The following MKLN1 variants were observed in gnomAD, a reference collection of about 807,000 sequenced individuals.
MKLN1 encodes muskelin.
In MKLN1, 18 loss-of-function variants were observed where a neutral mutation model predicts 99.0. That is an observed-to-expected ratio of 0.18 (90% CI 0.13 to 0.27). MKLN1 has a LOEUF of 0.27. MKLN1 is among the 10% of genes least tolerant of loss of function. The pLI is 1.00. For missense variants in MKLN1, 621 were observed against 875.9 expected, an observed-to-expected ratio of 0.71 and a Z score of 3.67; for synonymous variants, 288 against 293.2, an observed-to-expected ratio of 0.98 and a Z score of 0.18.
At chr7:131,417,654 T>C (rs1384951795) in intron 8 of MKLN1, among the ~76,000 whole-genome samples, 3 of 152,208 alleles carry the variant, frequency 2.0e-5, no homozygotes, top group Non-Finnish European at 2.9e-5. Flanking sequence ...TTCTGTTTTT[T>C]TGTTTTTATT....
intron 2 of MKLN1, among the ~76,000 whole-genome samples, chr7:131,173,971 T>TTC (rs1563240756): frequency 5.2e-5 from 7 of 133,806 alleles, no homozygotes; most frequent in Non-Finnish European, 8.1e-5. Context: ...CCTTTTTCTT[T>TTC]TTCTTTTTTT....
rs564758186 is a variant in MKLN1 at position 131,372,852 on chromosome 7, G to A, written c.99-2572G>A. Among the ~76,000 whole-genome samples the A allele has an allele frequency of 4.0e-5, 6 of 151,332 alleles. No homozygotes were observed. In the East Asian group the frequency reaches 5.8e-4, roughly 15 times the overall value. On this transcript the variant is annotated intron_variant, in intron 1 of 17. Coordinates refer to ENST00000352689, the MANE Select transcript of MKLN1 (RefSeq NM_013255.5). The stretch of plus-strand genomic sequence containing the variant: ...TTCAAATCCTTACTTAGCTGTATAC[G>A]TTTAGGCAATTAATCTTTTCTTTTT...
intron 2 of MKLN1, among the ~76,000 whole-genome samples, chr7:131,380,140 C>G (rs917588331): frequency 6.6e-6 from 1 of 152,098 alleles, no homozygotes; most frequent in Non-Finnish European, 1.5e-5. Context: ...GGAGTGAAGT[C>G]CAGTTTCATA....
intron 1 of MKLN1, among the ~76,000 whole-genome samples, chr7:131,328,777 C>G (rs908668506): frequency 6.6e-6 from 1 of 152,148 alleles, no homozygotes; most frequent in African/African-American, 2.4e-5. Flanking sequence ...TTGTCTTGAT[C>G]CCTGATTTAG....
At chr7:131,154,377 G>A (rs916686553) in intron 2 of MKLN1, among the ~76,000 whole-genome samples, 7 of 152,040 alleles carry the variant, frequency 4.6e-5, no homozygotes, top group East Asian at 3.9e-4. Flanking sequence ...CCACCGCCCC[G>A]GCCTAATTGT....
chr7:131,111,529 G>T (rs1214717683), intron 1 of MKLN1, among the ~76,000 whole-genome samples: 1 of 152,124 alleles, frequency 6.6e-6, no homozygotes, highest in East Asian at 1.9e-4. Context: ...CTCTTGGAAA[G>T]AAATCTTTGC....
At chr7:131,110,155 C>CG (rs1005600102) in exon 1 of MKLN1, 2 of 192,118 alleles carry the variant, frequency 1.0e-5, no homozygotes, top group Non-Finnish European at 2.2e-5. Context: ...CAGAGCCGCC[C>CG]GGGAGCAGGG....
At chr7:131,112,009 A>G (rs1420231917) in intron 1 of MKLN1, among the ~76,000 whole-genome samples, 1 of 152,206 alleles carries the variant, frequency 6.6e-6, no homozygotes, top group Non-Finnish European at 1.5e-5. Flanking sequence ...GGACAAGACA[A>G]CCTTGTTTTG....
chr7:131,466,304 GA>G lies in MKLN1; in HGVS notation c.1821del (p.Lys607AsnfsTer7). The G allele has an allele frequency of 6.2e-7, 1 of 1,602,566 alleles. No individual in the cohort carries two copies. Among genetic ancestry groups the G allele is most frequent in the Non-Finnish European group, 8.5e-7 (1 of 1,172,888 alleles). On this transcript the variant is annotated frameshift_variant, in exon 15 of 18. Coordinates refer to ENST00000352689, the MANE Select transcript of MKLN1 (RefSeq NM_013255.5). LOFTEE classifies it high-confidence loss of function. ...KVHYLFGGNP[G>X]KSCSPKMRLD... ...CATTACTTATTTGGTGGGAATCCAGGAAAATCTTGCTCTCCAAAGATGAGAT... is the reference window on the plus strand; with the variant it reads ...CATTACTTATTTGGTGGGAATCCAGGAAATCTTGCTCTCCAAAGATGAGAT...
chr7:131,400,311 G>A (rs935752996), intron 6 of MKLN1, among the ~76,000 whole-genome samples: 1 of 151,550 alleles, frequency 6.6e-6, no homozygotes, highest in African/African-American at 2.4e-5. Flanking sequence ...TAAATTTAAA[G>A]TTAACTTAAA....
chr7:131,272,533 C>T (rs1210193737), intron 3 of MKLN1, among the ~76,000 whole-genome samples: 1 of 151,938 alleles, frequency 6.6e-6, no homozygotes, highest in Non-Finnish European at 1.5e-5. Flanking sequence ...AAAGGGAAGC[C>T]AATGAAGAAT....
chr7:131,165,363 T>G (rs977856316), intron 2 of MKLN1, among the ~76,000 whole-genome samples: 1 of 152,126 alleles, frequency 6.6e-6, no homozygotes, highest in South Asian at 2.1e-4. Flanking sequence ...TTTTTTGTAT[T>G]TTTAATAGAA....
chr7:131,161,336 C>T (rs186237733), intron 2 of MKLN1, among the ~76,000 whole-genome samples: 372 of 152,260 alleles, frequency 2.4e-3, no homozygotes, highest in Non-Finnish European at 3.9e-3. Context: ...AGCCACGGGT[C>T]ACATGTGGCT....
At chr7:131,147,365 A>T (rs2116275971) in intron 2 of MKLN1, among the ~76,000 whole-genome samples, 1 of 152,030 alleles carries the variant, frequency 6.6e-6, no homozygotes, top group South Asian at 2.1e-4. Flanking sequence ...GCCGTTGATG[A>T]TGTCTTAAAA....
At chr7:131,374,276 T>C (rs907607214) in intron 1 of MKLN1, among the ~76,000 whole-genome samples, 5 of 152,168 alleles carry the variant, frequency 3.3e-5, no homozygotes, top group Non-Finnish European at 7.4e-5. Flanking sequence ...ATTGTGGAAA[T>C]ACCAGGGTGC....
At position 131,466,537 on chromosome 7, in the gene MKLN1, T is replaced by C. The variant is rs111403309; in HGVS notation, c.1928+122T>C. The C allele has an allele frequency of 1.2e-3, 725 of 619,718 alleles. 4 individuals are homozygous for C. The African/African-American group carries it at 0.012, about 11-fold the overall frequency. 38.4% of individuals were successfully genotyped at this position (619,718 alleles called of 1,614,324 possible). On this transcript the variant is annotated intron_variant, in intron 15 of 17. Coordinates refer to ENST00000352689, the MANE Select transcript of MKLN1 (RefSeq NM_013255.5). ...CATGAATTTTGTAAATGCCCTGTTA[T>C]TCCACTTATTTTTGCTTTCGTTTTT...
At chr7:131,364,434 C>G (rs917819881) in intron 1 of MKLN1, among the ~76,000 whole-genome samples, 1 of 151,318 alleles carries the variant, frequency 6.6e-6, no homozygotes, top group Non-Finnish European at 1.5e-5. Context: ...TAAATGTGTT[C>G]CGTATCAGAA....
At chr7:131,435,781 TTG>T (rs1376131449) in intron 9 of MKLN1, among the ~76,000 whole-genome samples, 4 of 152,144 alleles carry the variant, frequency 2.6e-5, no homozygotes, top group Non-Finnish European at 5.9e-5. Flanking sequence ...TTCCCTCCCT[TTG>T]TAAAAAATTA....
Position 131,111,617 on chromosome 7 carries a change from G to C in MKLN1, c.-419+1410G>C, listed in dbSNP as rs535821789. The stretch of plus-strand genomic sequence containing the variant: ...TCATCATTTGAGGAGTAGACTGCCA[G>C]TTGCCATTTGAGAAACAATCCTTGA... On this transcript the variant is annotated intron_variant, in intron 1 of 7. Transcript: ENST00000416992. Among the ~76,000 whole-genome samples, 96 of 152,012 alleles carry C rather than the reference G, an allele frequency of 6.3e-4. 1 individual carries two copies. Among genetic ancestry groups the C allele is most frequent in the Non-Finnish European group, 1.3e-4 (9 of 67,988 alleles).
Sources: gnomAD v4.1 joint callset for allele counts (sites outside exome capture counted in the v4.1 genomes callset) on GRCh38, gnomAD v4.1.1 for gene constraint, MANE v1.5 for transcripts, NCBI Gene and HGNC (gene_info 2026-07-23, HGNC 2026-07-21) for gene names.